SPATA17: variants seen among roughly 807,000 people sequenced by gnomAD.
The protein encoded by SPATA17 is spermatogenesis associated 17.
In SPATA17, 53 loss-of-function variants were observed where a neutral mutation model predicts 62.2. That is an observed-to-expected ratio of 0.85 (90% CI 0.68 to 1.07). The LOEUF is 1.07. Among genes scored for constraint, SPATA17 ranks in the 50% least tolerant of loss-of-function variants. SPATA17 has a pLI of 0.00. For synonymous variants in SPATA17, 146 were observed against 146.8 expected, an observed-to-expected ratio of 0.99 and a Z score of 0.04; for missense variants, 466 against 425.5, an observed-to-expected ratio of 1.10 and a Z score of -0.84.
chr1:217,720,162 T>C (rs5017213), intron 5 of SPATA17, among the ~76,000 whole-genome samples: 38,564 of 152,090 alleles, frequency 0.25, 5,963 homozygotes, highest in Non-Finnish European at 0.35. Flanking sequence ...CAGACTAATG[T>C]TATACAAATT....
At chr1:217,786,818 G>A (rs374206513) in intron 8 of SPATA17, among the ~76,000 whole-genome samples, 1 of 47,934 alleles carries the variant, frequency 2.1e-5, no homozygotes, top group Non-Finnish European at 5.1e-5. Flanking sequence ...TTCTTCCTCT[G>A]TATAATCTTT....
At chr1:217,844,115 T>C (rs1675470747) in intron 9 of SPATA17, among the ~76,000 whole-genome samples, 1 of 152,134 alleles carries the variant, frequency 6.6e-6, no homozygotes, top group African/African-American at 2.4e-5. Context: ...AGAAGCTTCC[T>C]AGGTCAGAGA....
chr1:217,750,918 C>T (rs1349161965), intron 6 of SPATA17, among the ~76,000 whole-genome samples: 3 of 152,164 alleles, frequency 2.0e-5, no homozygotes, highest in African/African-American at 7.2e-5. Context: ...CTGGGGCATC[C>T]TCAGTAAACC....
intron 7 of SPATA17, among the ~76,000 whole-genome samples, chr1:217,778,330 G>A (rs569154003): frequency 6.6e-6 from 1 of 152,244 alleles, no homozygotes; most frequent in South Asian, 2.1e-4. Context: ...AGACCAGACT[G>A]GCCAACATGG....
chr1:217,758,240 A>G (rs1449330296), intron 6 of SPATA17, among the ~76,000 whole-genome samples: 1 of 152,182 alleles, frequency 6.6e-6, no homozygotes, highest in Non-Finnish European at 1.5e-5. Context: ...ATGAGACACA[A>G]AGAGATTAAT....
At chr1:217,701,521 G>A (rs1377739829) in intron 5 of SPATA17, among the ~76,000 whole-genome samples, 7 of 151,778 alleles carry the variant, frequency 4.6e-5, no homozygotes, top group Non-Finnish European at 7.4e-5. Flanking sequence ...AAGTTGCTGG[G>A]ATTACAGGCG....
chr1:217,816,943 A>G (rs535000890), intron 9 of SPATA17, among the ~76,000 whole-genome samples: 39 of 152,152 alleles, frequency 2.6e-4, no homozygotes, highest in Non-Finnish European at 5.0e-4. Flanking sequence ...AATCTATTCT[A>G]TGTATCTAGT....
chr1:217,832,190 A>T (rs527779471), intron 9 of SPATA17, among the ~76,000 whole-genome samples: 54 of 152,126 alleles, frequency 3.5e-4, no homozygotes, highest in Non-Finnish European at 5.7e-4. Flanking sequence ...TAATAACATA[A>T]TTAAAGAAGT....
chr1:217,850,086 G>A (rs1675613329), intron 9 of SPATA17, among the ~76,000 whole-genome samples: 2 of 152,186 alleles, frequency 1.3e-5, no homozygotes, highest in South Asian at 2.1e-4. Context: ...TTGAATGCGG[G>A]GAGGTGGGAT....
At chr1:217,751,339 G>C (rs748919218) in intron 6 of SPATA17, among the ~76,000 whole-genome samples, 1 of 151,854 alleles carries the variant, frequency 6.6e-6, no homozygotes. Context: ...TTTCCCTTTG[G>C]ACACTTGGCA....
Position 217,651,195 on chromosome 1 carries a change from C to A in SPATA17, c.240+17C>A. ...ACTGTGCAGGTAAATATAAAATGTA[C>A]ATATGTTAGCATTTGAATTGTACAA... On this transcript the variant is annotated intron_variant, in intron 3 of 10. Coordinates refer to ENST00000366933, the MANE Select transcript of SPATA17 (RefSeq NM_138796.4). 1 of 1,547,862 alleles carries A rather than the reference C, an allele frequency of 6.5e-7. No individual in the cohort carries two copies. Among genetic ancestry groups the A allele is most frequent in the Non-Finnish European group, 8.8e-7 (1 of 1,132,708 alleles).
intron 1 of SPATA17, among the ~76,000 whole-genome samples, chr1:217,646,988 A>G (rs951923105): frequency 3.3e-5 from 5 of 152,134 alleles, no homozygotes; most frequent in African/African-American, 1.2e-4. Context: ...CTTACTAAAG[A>G]TGTGACCTTG....
At chr1:217,852,783 T>C (rs1675695252) in intron 9 of SPATA17, among the ~76,000 whole-genome samples, 1 of 152,192 alleles carries the variant, frequency 6.6e-6, no homozygotes. Flanking sequence ...TTGGTGGGTG[T>C]AACTATGAGC....
intron 9 of SPATA17, among the ~76,000 whole-genome samples, chr1:217,809,743 G>GAGTTTT (rs1336543364): frequency 2.6e-5 from 4 of 152,134 alleles, no homozygotes; most frequent in African/African-American, 9.7e-5. Context: ...CTGCCACACT[G>GAGTTTT]GGGATCAAAT....
At chr1:217,717,626 T>C (rs766880671) in intron 5 of SPATA17, among the ~76,000 whole-genome samples, 23 of 152,034 alleles carry the variant, frequency 1.5e-4, no homozygotes, top group Non-Finnish European at 2.4e-4. Flanking sequence ...TAATAATAAG[T>C]AATTATGTAA....
chr1:217,755,388 G>T (rs1673016965), intron 6 of SPATA17, among the ~76,000 whole-genome samples: 1 of 151,844 alleles, frequency 6.6e-6, no homozygotes, highest in Non-Finnish European at 1.5e-5. Context: ...GAGAAGAAAG[G>T]GAAAAGAATC....
intron 6 of SPATA17, among the ~76,000 whole-genome samples, chr1:217,766,379 A>G (rs1216111479): frequency 6.6e-6 from 1 of 151,910 alleles, no homozygotes; most frequent in African/African-American, 2.4e-5. Flanking sequence ...TAGTTGCCCT[A>G]AAGTTTGCAA....
intron 9 of SPATA17, among the ~76,000 whole-genome samples, chr1:217,847,620 A>G (rs1675557716): frequency 6.6e-6 from 1 of 152,180 alleles, no homozygotes. Flanking sequence ...GCATTCTAAT[A>G]TGTTTTAGTA....
chr1:217,833,430 G>A (rs1558069649), intron 9 of SPATA17, among the ~76,000 whole-genome samples: 2 of 152,174 alleles, frequency 1.3e-5, no homozygotes, highest in South Asian at 2.1e-4. Context: ...AGTGATGCAA[G>A]TCAGATAAAT....
Sources: allele counts gnomAD v4.1 joint callset (sites outside exome capture counted in the v4.1 genomes callset), GRCh38; gene constraint gnomAD v4.1.1; transcripts MANE v1.5; gene names NCBI Gene and HGNC (gene_info 2026-07-23, HGNC 2026-07-21).